Variants in CNTNAP5 observed in about 807,000 individuals in gnomAD.
CNTNAP5 encodes the protein contactin associated protein family member 5.
Under a neutral mutation model 150.2 loss-of-function variants are expected in CNTNAP5, and 72 were observed. The observed-to-expected ratio is 0.48, with a 90% CI of 0.40 to 0.58. The LOEUF (loss-of-function observed/expected upper bound fraction) is 0.58, where lower values mean the gene tolerates loss of function less well. Among genes scored for constraint, CNTNAP5 ranks in the 20% least tolerant of loss-of-function variants. The pLI, the probability that CNTNAP5 is intolerant of heterozygous loss-of-function variation, is 0.00. For missense variants in CNTNAP5, 1,636 were observed against 1,626.2 expected (o/e 1.01, Z -0.10); for synonymous variants, 672 against 619.8 (o/e 1.08, Z -1.25).
intron 1 of CNTNAP5, among the ~76,000 whole-genome samples, chr2:124,175,599 G>C (rs1413026675): frequency 6.6e-6 from 1 of 152,050 alleles, no homozygotes; most frequent in Non-Finnish European, 1.5e-5. Flanking sequence ...CCCCACCCAA[G>C]TAGTCCCCAT....
intron 1 of CNTNAP5, among the ~76,000 whole-genome samples, chr2:124,153,538 G>A (rs1445221363): frequency 6.6e-6 from 1 of 151,142 alleles, no homozygotes; most frequent in East Asian, 2.0e-4. Flanking sequence ...CTGCTTCTCG[G>A]TTCATAGACA....
At chr2:124,670,049 G>T (rs1387198266) in intron 13 of CNTNAP5, among the ~76,000 whole-genome samples, 2 of 151,948 alleles carry the variant, frequency 1.3e-5, no homozygotes, top group Non-Finnish European at 2.9e-5. Context: ...GGCCCTCTTA[G>T]ACCTTCCATG....
intron 10 of CNTNAP5, among the ~76,000 whole-genome samples, chr2:124,557,635 T>A (rs545744832): frequency 3.0e-4 from 45 of 152,136 alleles, no homozygotes; most frequent in African/African-American, 9.9e-4. Flanking sequence ...CACTGAATCA[T>A]AAACTGATGG....
At chr2:124,071,823 A>G (rs1195848746) in intron 1 of CNTNAP5, among the ~76,000 whole-genome samples, 5 of 151,968 alleles carry the variant, frequency 3.3e-5, no homozygotes, top group Admixed American at 2.0e-4. Flanking sequence ...TACTCAAACT[A>G]TTTCAAAAAA....
At chr2:124,776,470 G>A (rs1225728728) in intron 17 of CNTNAP5, among the ~76,000 whole-genome samples, 2 of 152,160 alleles carry the variant, frequency 1.3e-5, no homozygotes, top group African/African-American at 2.4e-5. Context: ...CAGGTGAAGC[G>A]TGTCAAACTC....
At chr2:124,534,194 A>G (rs1206141637) in intron 10 of CNTNAP5, among the ~76,000 whole-genome samples, 1 of 152,106 alleles carries the variant, frequency 6.6e-6, no homozygotes, top group Non-Finnish European at 1.5e-5. Context: ...ATAATGAGAA[A>G]TTACTTAATG....
At chr2:124,801,949 G>A (rs1260041671) in intron 19 of CNTNAP5, among the ~76,000 whole-genome samples, 1 of 152,150 alleles carries the variant, frequency 6.6e-6, no homozygotes, top group African/African-American at 2.4e-5. Flanking sequence ...GAGTTTTTAT[G>A]ATAAGATTGA....
intron 10 of CNTNAP5, among the ~76,000 whole-genome samples, chr2:124,544,380 G>A (rs766003502): frequency 6.6e-6 from 1 of 152,272 alleles, no homozygotes; most frequent in Non-Finnish European, 1.5e-5. Flanking sequence ...TGTAAAGAAA[G>A]AAGCCCATTC....
chr2:124,173,476 T>C (rs1684985828), intron 1 of CNTNAP5, among the ~76,000 whole-genome samples: 1 of 152,180 alleles, frequency 6.6e-6, no homozygotes, highest in South Asian at 2.1e-4. Context: ...AGCCCACAAA[T>C]GATAAGAATG....
At chr2:124,240,812 C>T (rs1686866932) in intron 2 of CNTNAP5, among the ~76,000 whole-genome samples, 1 of 152,130 alleles carries the variant, frequency 6.6e-6, no homozygotes, top group South Asian at 2.1e-4. Context: ...GCTTTATGCC[C>T]TCTATCACTC....
intron 21 of CNTNAP5, among the ~76,000 whole-genome samples, chr2:124,883,582 G>GT (rs1162143621): frequency 1.3e-5 from 2 of 151,970 alleles, no homozygotes; most frequent in African/African-American, 2.4e-5. Context: ...GTATAGCAAT[G>GT]TTTTTTTGTG....
intron 1 of CNTNAP5, among the ~76,000 whole-genome samples, chr2:124,072,713 G>A (rs180740892): frequency 1.4e-3 from 218 of 151,376 alleles, no homozygotes; most frequent in Non-Finnish European, 2.3e-3. Context: ...GAAAAAAAGA[G>A]GACACCAAAA....
intron 13 of CNTNAP5, among the ~76,000 whole-genome samples, chr2:124,661,735 T>G (rs1312824839): frequency 6.6e-6 from 1 of 152,160 alleles, no homozygotes; most frequent in Non-Finnish European, 1.5e-5. Flanking sequence ...TAGATTTGTT[T>G]ACACCAGTAT....
intron 1 of CNTNAP5, among the ~76,000 whole-genome samples, chr2:124,175,717 A>G (rs1203258646): frequency 6.6e-6 from 1 of 152,202 alleles, no homozygotes; most frequent in Non-Finnish European, 1.5e-5. Context: ...TTTGCTTAAG[A>G]TGATGGCTTC....
rs1687197268 is a variant in CNTNAP5 at position 124,252,204 on chromosome 2, G to A, written c.381+9811G>A. On this transcript the variant is annotated intron_variant, in intron 3 of 23. Coordinates refer to ENST00000682447, the MANE Select transcript of CNTNAP5 (RefSeq NM_001367498.1). ...AATATGTGAGAATTTAAGAATGTAT[G>A]TGTGTGTATAGAAGAAGAACCAAGC... Among the ~76,000 whole-genome samples the A allele has an allele frequency of 1.3e-5, 2 of 152,138 alleles. 1 individual carries two copies. The highest frequency in any genetic ancestry group is 4.1e-4 in the South Asian group (2 of 4,834).
At chr2:124,690,018 C>T (rs922528783) in intron 13 of CNTNAP5, among the ~76,000 whole-genome samples, 28 of 142,810 alleles carry the variant, frequency 2.0e-4, no homozygotes, top group African/African-American at 5.2e-4. Flanking sequence ...TCTTCACTTA[C>T]GGGAAATTTT....
chr2:124,135,361 A>C (rs1683952062), intron 1 of CNTNAP5, among the ~76,000 whole-genome samples: 1 of 152,236 alleles, frequency 6.6e-6, no homozygotes, highest in Non-Finnish European at 1.5e-5. Flanking sequence ...AGGCAAGCAA[A>C]GGGACCTTGG....
chr2:124,287,393 C>T (rs569977025), intron 3 of CNTNAP5, among the ~76,000 whole-genome samples: 1 of 152,292 alleles, frequency 6.6e-6, no homozygotes, highest in East Asian at 1.9e-4. Flanking sequence ...GCGTTGGAAA[C>T]TTCAAAATAT....
intron 21 of CNTNAP5, among the ~76,000 whole-genome samples, chr2:124,880,602 T>A (rs950530469): frequency 5.3e-5 from 8 of 152,096 alleles, no homozygotes; most frequent in Admixed American, 5.2e-4. Flanking sequence ...ATCAGTAAAT[T>A]GCTCCCTAAC....
Sources: gnomAD v4.1 joint callset for allele counts (sites outside exome capture counted in the v4.1 genomes callset) on GRCh38, gnomAD v4.1.1 for gene constraint, MANE v1.5 for transcripts, NCBI Gene and HGNC (gene_info 2026-07-23, HGNC 2026-07-21) for gene names.